TTLL7: variants seen among roughly 807,000 people sequenced by gnomAD.
TTLL7 encodes tubulin tyrosine ligase like 7, also known as tubulin polyglutamylase TTLL7.
A neutral mutation model predicts 120.2 loss-of-function variants in TTLL7; 53 were observed. The observed-to-expected ratio is 0.44, with a 90% confidence interval of 0.35 to 0.55. The LOEUF is 0.55. TTLL7 is among the 20% of genes least tolerant of loss of function. The pLI, the probability that TTLL7 is intolerant of heterozygous loss-of-function variation, is 0.00. For missense variants in TTLL7, 803 were observed against 1,054.7 expected, an observed-to-expected ratio of 0.76 and a Z score of 3.31; for synonymous variants, 353 against 351.7, an observed-to-expected ratio of 1.00 and a Z score of -0.04.
rs1348669232 is a variant in TTLL7 at position 83,889,485 on chromosome 1, G to C, written c.2369+836C>G. 3.3e-5 allele frequency among the ~76,000 whole-genome samples: 5 copies of C among 151,998 alleles called. No homozygotes were observed. The East Asian group carries it at 9.7e-4, about 29-fold the overall frequency. On this transcript the variant is annotated intron_variant, in intron 19 of 20. Coordinates refer to ENST00000260505, the MANE Select transcript of TTLL7 (RefSeq NM_024686.6). ...AAACTCTGGAGTCAAGGCTAAATGA[G>C]TTCAAATCCCAGTTCCACTAGGTCC... is the stretch of plus-strand genomic sequence containing the variant.
At chr1:83,987,111 G>C (rs952529959) in intron 1 of TTLL7, among the ~76,000 whole-genome samples, 2 of 151,556 alleles carry the variant, frequency 1.3e-5, no homozygotes, top group African/African-American at 4.9e-5. Flanking sequence ...TAAAACATAG[G>C]TATAATTTTC....
chr1:83,938,077 A>C, intron 7 of TTLL7, 61 bp from the exon 8 acceptor site: 2 of 1,538,050 alleles, frequency 1.3e-6, no homozygotes, highest in Non-Finnish European at 1.8e-6. Context: ...GCGAAGTTTC[A>C]GAGGAAAAAA....
At chr1:83,965,348 T>C (rs1650358936) in intron 1 of TTLL7, among the ~76,000 whole-genome samples, 1 of 152,106 alleles carries the variant, frequency 6.6e-6, no homozygotes, top group African/African-American at 2.4e-5. Context: ...CTGATGGTTT[T>C]ATAAGTGTTT....
At chr1:83,888,246 G>GA (rs72014106) in intron 19 of TTLL7, among the ~76,000 whole-genome samples, 48 of 151,490 alleles carry the variant, frequency 3.2e-4, no homozygotes, top group Non-Finnish European at 5.5e-4. Flanking sequence ...TCAACCAACA[G>GA]AAAAAAAACA....
At chr1:83,952,099 CA>C (rs1649121053) in intron 2 of TTLL7, 87 bp downstream of exon 2, 2 of 1,509,192 alleles carry the variant, frequency 1.3e-6, no homozygotes, top group Non-Finnish European at 1.8e-6. Flanking sequence ...AAAAAGTCCC[CA>C]ATTAATTTTT....
At chr1:83,933,050 C>T (rs1420296795) in intron 9 of TTLL7, among the ~76,000 whole-genome samples, 1 of 152,166 alleles carries the variant, frequency 6.6e-6, no homozygotes, top group Non-Finnish European at 1.5e-5. Flanking sequence ...GTAACTCTCA[C>T]CCTACCAGGG....
chr1:83,989,656 C>T (rs746237667), intron 1 of TTLL7, among the ~76,000 whole-genome samples: 124 of 152,120 alleles, frequency 8.2e-4, no homozygotes, highest in Middle Eastern at 3.4e-3. Flanking sequence ...TTTTTTGGTT[C>T]CCTATGAATT....
intron 15 of TTLL7, among the ~76,000 whole-genome samples, chr1:83,909,559 G>T (rs919914740): frequency 6.6e-6 from 1 of 151,752 alleles, no homozygotes; most frequent in African/African-American, 2.4e-5. Flanking sequence ...AACACAAAGT[G>T]AAAGACTTGT....
Position 83,949,486 on chromosome 1 carries a change from C to G in TTLL7, c.279+379G>C, listed in dbSNP as rs1648830002. 2.1e-5 allele frequency: 4 copies of G among 190,658 alleles called. No individual in the cohort carries two copies. In the South Asian group the frequency reaches 4.2e-4, roughly 20 times the overall value. The allele number at this position is 190,658 out of a possible 1,614,324, so 11.8% of individuals were successfully genotyped here. A position where few individuals can be genotyped will look rare whatever the true frequency, so the allele number is the denominator to read the frequency against. The stretch of plus-strand genomic sequence containing the variant: ...GGACTACAGGCGTGTGCCACCATAC[C>G]CAGCTAATTTTTGTATTTTTAGTAG... On this transcript the variant is annotated intron_variant, in intron 4 of 20. Coordinates refer to ENST00000260505, the MANE Select transcript of TTLL7 (RefSeq NM_024686.6).
chr1:83,886,270 T>G (rs370749929), intron 19 of TTLL7, among the ~76,000 whole-genome samples: 1 of 152,004 alleles, frequency 6.6e-6, no homozygotes, highest in Non-Finnish European at 1.5e-5. Context: ...CAAAGTTAAG[T>G]AGCAGAAAGG....
chr1:83,942,393 C>T (rs2100841862), intron 7 of TTLL7, 70 bp downstream of exon 7: 2 of 1,302,988 alleles, frequency 1.5e-6, no homozygotes, highest in Non-Finnish European at 2.2e-6. Context: ...ATCTATATGC[C>T]TAATGGATGC....
intron 1 of TTLL7, among the ~76,000 whole-genome samples, chr1:83,970,781 G>GA (rs1650899763): frequency 6.6e-6 from 1 of 152,032 alleles, no homozygotes; most frequent in African/African-American, 2.4e-5. Flanking sequence ...ACTGGCAGGG[G>GA]AGCAGGGAAG....
At chr1:83,922,328 G>A (rs1185059395) in intron 10 of TTLL7, among the ~76,000 whole-genome samples, 3 of 152,114 alleles carry the variant, frequency 2.0e-5, no homozygotes, top group Non-Finnish European at 4.4e-5. Flanking sequence ...AAGGAAAGGC[G>A]ACAAGAAGGC....
At chr1:83,873,922 C>T (rs1653678351) in intron 20 of TTLL7, among the ~76,000 whole-genome samples, 1 of 152,050 alleles carries the variant, frequency 6.6e-6, no homozygotes, top group Non-Finnish European at 1.5e-5. Flanking sequence ...AAATAAAGCT[C>T]ATCAGAATAT....
chr1:83,938,670 C>T (rs567526682), intron 7 of TTLL7, among the ~76,000 whole-genome samples: 1 of 152,236 alleles, frequency 6.6e-6, no homozygotes, highest in African/African-American at 2.4e-5. Flanking sequence ...TATGATCTTA[C>T]ATTTGTTGAT....
chr1:83,970,258 G>A (rs1194986235), intron 1 of TTLL7, among the ~76,000 whole-genome samples: 2 of 152,014 alleles, frequency 1.3e-5, no homozygotes, highest in Non-Finnish European at 2.9e-5. Flanking sequence ...CACTTCCAGA[G>A]TAAATAAAAA....
At chr1:83,883,478 C>T (rs1297752217) in intron 19 of TTLL7, among the ~76,000 whole-genome samples, 1 of 151,874 alleles carries the variant, frequency 6.6e-6, no homozygotes, top group Non-Finnish European at 1.5e-5. Flanking sequence ...CAGCCTCGAA[C>T]TCCTGGCCTC....
intron 18 of TTLL7, among the ~76,000 whole-genome samples, chr1:83,902,450 T>A (rs904717564): frequency 3.3e-5 from 5 of 152,002 alleles, no homozygotes; most frequent in African/African-American, 1.2e-4. Context: ...ATCGCTAACA[T>A]CCACATTGCC....
intron 13 of TTLL7, 93 bp downstream of exon 13, chr1:83,919,606 A>C: frequency 8.6e-7 from 1 of 1,156,920 alleles, no homozygotes; most frequent in South Asian, 2.1e-5. Context: ...TAAAAGTAAA[A>C]TGTTTTTATA....
Sources: gnomAD v4.1 joint callset for allele counts (sites outside exome capture counted in the v4.1 genomes callset) on GRCh38, gnomAD v4.1.1 for gene constraint, MANE v1.5 for transcripts, NCBI Gene and HGNC (gene_info 2026-07-23, HGNC 2026-07-21) for gene names.